The following ALOX5 variants were observed in gnomAD, a reference collection of about 807,000 sequenced individuals.
ALOX5 encodes the protein polyunsaturated fatty acid 5-lipoxygenase.
In ALOX5, 64 loss-of-function variants were observed where a neutral mutation model predicts 87.9. The ratio of observed to expected loss-of-function variants is 0.73; its 90% CI spans 0.60 to 0.90. The LOEUF (loss-of-function observed/expected upper bound fraction) is 0.90, where lower values mean the gene tolerates loss of function less well. Ranked by LOEUF, ALOX5 falls within the 40% of genes least tolerant of loss-of-function variation. The pLI is 0.00. For missense variants in ALOX5, 822 were observed against 907.5 expected (o/e 0.91, Z 1.21); for synonymous variants, 388 against 355.1 (o/e 1.09, Z -1.04).
chr10:45,400,004 G>C (rs1175324444), intron 3 of ALOX5, among the ~76,000 whole-genome samples: 2 of 152,186 alleles, frequency 1.3e-5, no homozygotes, highest in African/African-American at 4.8e-5. Flanking sequence ...GTGCTGCCAA[G>C]GATGTGGAGA....
intron 6 of ALOX5, among the ~76,000 whole-genome samples, chr10:45,427,612 G>C (rs981251756): frequency 3.3e-5 from 5 of 152,204 alleles, no homozygotes; most frequent in Non-Finnish European, 7.3e-5. Context: ...GATGTCTCCA[G>C]GCAGAGTAGA....
At chr10:45,392,023 C>A (rs1193510945) in intron 2 of ALOX5, among the ~76,000 whole-genome samples, 2 of 151,298 alleles carry the variant, frequency 1.3e-5, no homozygotes, top group African/African-American at 2.4e-5. Context: ...CCAGCCGCCC[C>A]GTCCGGGAGG....
At chr10:45,417,587 G>A (rs1224966746) in intron 4 of ALOX5, among the ~76,000 whole-genome samples, 1 of 152,174 alleles carries the variant, frequency 6.6e-6, no homozygotes, top group East Asian at 1.9e-4. Flanking sequence ...AAGACAGTGG[G>A]AGGGCTTATT....
chr10:45,423,873 G>A (rs1177583196), intron 4 of ALOX5, among the ~76,000 whole-genome samples, 168 bp from the exon 5 acceptor site: 6 of 152,132 alleles, frequency 3.9e-5, no homozygotes, highest in Non-Finnish European at 7.3e-5. Flanking sequence ...ACAGCATCCC[G>A]TATAGATGCC....
intron 7 of ALOX5, among the ~76,000 whole-genome samples, chr10:45,436,922 A>G (rs749664091): frequency 2.6e-5 from 4 of 152,170 alleles, no homozygotes; most frequent in Non-Finnish European, 5.9e-5. Context: ...TTCTCTCTGT[A>G]GAGCTCTTTC....
chr10:45,421,183 T>C (rs192162143), intron 4 of ALOX5, among the ~76,000 whole-genome samples: 76 of 152,342 alleles, frequency 5.0e-4, no homozygotes, highest in African/African-American at 1.8e-3. Context: ...TATAGAAATA[T>C]TTTGCCTCTA....
chr10:45,418,299 G>C (rs1216048915), intron 4 of ALOX5, among the ~76,000 whole-genome samples: 1 of 152,090 alleles, frequency 6.6e-6, no homozygotes, highest in Admixed American at 6.5e-5. Context: ...TGGGGGTTGG[G>C]GGGACCCTAG....
In ALOX5 at chr10:45,389,962, A is replaced by T. The variant is rs190476225; in HGVS notation, c.350-5893A>T. Among the ~76,000 whole-genome samples, 4 of 152,356 alleles carry T rather than the reference A, an allele frequency of 2.6e-5. No individual in the cohort carries two copies. In the East Asian group the frequency reaches 7.7e-4, roughly 29 times the overall value. On this transcript the variant is annotated intron_variant, in intron 2 of 13. Transcript: ENST00000374391. ...TTCAGGAAACCCATCTCATGTGCGG[A>T]GACACACATAAGCTCAAAATAAAGG... is the stretch of plus-strand genomic sequence containing the variant.
chr10:45,433,197 T>G (rs773288070), intron 7 of ALOX5, among the ~76,000 whole-genome samples: 1 of 152,250 alleles, frequency 6.6e-6, no homozygotes, highest in Non-Finnish European at 1.5e-5. Context: ...CATGAGTTGT[T>G]GCAGCCTGGC....
At chr10:45,397,835 TA>T (rs1482024050) in intron 3 of ALOX5, among the ~76,000 whole-genome samples, 1 of 152,222 alleles carries the variant, frequency 6.6e-6, no homozygotes, top group Non-Finnish European at 1.5e-5. Flanking sequence ...TTAACATTAT[TA>T]AAGAAGATCT....
intron 6 of ALOX5, among the ~76,000 whole-genome samples, chr10:45,427,778 G>A (rs915184423): frequency 2.6e-5 from 4 of 152,148 alleles, no homozygotes; most frequent in African/African-American, 7.2e-5. Flanking sequence ...GCCCCTCTGC[G>A]GGACCCACTG....
intron 5 of ALOX5, among the ~76,000 whole-genome samples, chr10:45,424,682 C>G (rs1841631473): frequency 1.3e-5 from 2 of 152,194 alleles, no homozygotes; most frequent in African/African-American, 4.8e-5. Context: ...CTCCTCCACG[C>G]CCTCCTTCTT....
chr10:45,377,366 C>G (rs975705260), intron 1 of ALOX5, among the ~76,000 whole-genome samples: 22 of 151,650 alleles, frequency 1.5e-4, no homozygotes, highest in African/African-American at 7.3e-5. Context: ...TCTTCCTTCC[C>G]CTGCTCCCAG....
At chr10:45,405,874 G>A (rs944243066) in intron 3 of ALOX5, among the ~76,000 whole-genome samples, 3 of 151,950 alleles carry the variant, frequency 2.0e-5, no homozygotes, top group African/African-American at 7.3e-5. Flanking sequence ...AAGTAGCTGG[G>A]GCTACAGGCG....
chr10:45,397,878 A>C (rs1315089135), intron 3 of ALOX5, among the ~76,000 whole-genome samples: 1 of 152,246 alleles, frequency 6.6e-6, no homozygotes. Context: ...ATGTTCATGA[A>C]TCAGAGGACT....
chr10:45,391,921 G>A (rs1331086965), intron 2 of ALOX5, among the ~76,000 whole-genome samples: 18 of 116,130 alleles, frequency 1.5e-4, no homozygotes, highest in East Asian at 4.0e-4. Flanking sequence ...CCCTCCGCCC[G>A]GCAGCCGCCC....
intron 3 of ALOX5, among the ~76,000 whole-genome samples, chr10:45,408,322 T>G (rs1298297773): frequency 2.6e-5 from 4 of 152,166 alleles, no homozygotes; most frequent in Non-Finnish European, 5.9e-5. Context: ...AAGACATCAG[T>G]CAATACATGT....
At chr10:45,379,628 T>C (rs1346295663) in intron 1 of ALOX5, among the ~76,000 whole-genome samples, 1 of 152,180 alleles carries the variant, frequency 6.6e-6, no homozygotes, top group Non-Finnish European at 1.5e-5. Flanking sequence ...TGGGGCCTGG[T>C]GCCCTGCAAC....
At position 45,444,212 on chromosome 10, in the gene ALOX5, A is replaced by G. The variant is rs749605035; in HGVS notation, c.1771A>G (p.Thr591Ala). 9 of 1,554,894 alleles carry G rather than the reference A, an allele frequency of 5.8e-6. No individual in the cohort carries two copies. The Admixed American group carries it at 5.8e-5, about 10-fold the overall frequency. ...GVVTIEQIVDTLPDRGRSCWH... is the reference protein window; with the variant it reads ...GVVTIEQIVDALPDRGRSCWH... ...GGTGACCATTGAGCAGATCGTGGACACGCTGCCCGACCGCGGCCGCTCCTG... is the reference window on the plus strand; with the variant it reads ...GGTGACCATTGAGCAGATCGTGGACGCGCTGCCCGACCGCGGCCGCTCCTG... Residue 591 changes from threonine (T) to alanine (A), a missense_variant, in exon 13 of 14, where the codon ACG (threonine) becomes GCG (alanine). Coordinates refer to ENST00000374391, the MANE Select transcript of ALOX5 (RefSeq NM_000698.5).
Sources: gnomAD v4.1 joint callset for allele counts (sites outside exome capture counted in the v4.1 genomes callset) on GRCh38, gnomAD v4.1.1 for gene constraint, MANE v1.5 for transcripts, NCBI Gene and HGNC (gene_info 2026-07-23, HGNC 2026-07-21) for gene names.